The following TCP11 variants were observed in gnomAD, a reference collection of about 807,000 sequenced individuals.
TCP11 encodes T-complex protein 11 homolog.
TCP11 carries 34 observed loss-of-function variants against 45.0 expected under a neutral mutation model. The ratio of observed to expected loss-of-function variants is 0.76; its 90% CI spans 0.57 to 1.01. The LOEUF (loss-of-function observed/expected upper bound fraction) is 1.01. TCP11 is among the 50% of genes least tolerant of loss of function. The pLI is 0.00. For missense variants in TCP11, 523 were observed against 598.1 expected, an observed-to-expected ratio of 0.87 and a Z score of 1.31; for synonymous variants, 227 against 227.0, an observed-to-expected ratio of 1.00 and a Z score of 0.00.
chr6:35,137,837 T>C (rs971327539), intron 2 of TCP11: 1 of 455,066 alleles, frequency 2.2e-6, no homozygotes, highest in Non-Finnish European at 4.4e-6. Context: ...TGGCCACGAG[T>C]TGATCATTGT....
chr6:35,124,558 G>C (rs1779618600), intron 4 of TCP11, among the ~76,000 whole-genome samples: 1 of 152,172 alleles, frequency 6.6e-6, no homozygotes, highest in Non-Finnish European at 1.5e-5. Flanking sequence ...AACTTACGTA[G>C]CTACAAGACT....
At chr6:35,129,830 G>T (rs977716272) in intron 3 of TCP11, among the ~76,000 whole-genome samples, 1 of 152,078 alleles carries the variant, frequency 6.6e-6, no homozygotes, top group South Asian at 2.1e-4. Flanking sequence ...GTTGGAATGC[G>T]ATGGCACAAT....
In TCP11 at chr6:35,119,388, A is replaced by G. The variant is rs753136829; in HGVS notation, c.1119T>C (p.Pro373=). 2 of 1,613,924 alleles carry G rather than the reference A, an allele frequency of 1.2e-6. No individual in the cohort carries two copies. Among genetic ancestry groups the G allele is most frequent in the African/African-American group, 1.3e-5 (1 of 75,060 alleles). Residue 373 remains proline (P), a synonymous_variant, in exon 9 of 10, where the codon CCT becomes CCC. Transcript: ENST00000311875. ...KSLLEDFHSR[P]EEAILTVSEQ... ...CACTCACAGTCAGTATAGCTTCCTC[A>G]GGCCTAGACCATGAAAGAAAGTAAG...
In TCP11 at chr6:35,124,998, AT is replaced by A. The variant is rs760823828; in HGVS notation, c.358-2662del. Reference sequence around the variant, plus strand: ...GGAGTTTGAGACCAGCCTGAGCAAAATGGTGAAACCCCATCTCTACTAAAAA... The same window carrying A: ...GGAGTTTGAGACCAGCCTGAGCAAAAGGTGAAACCCCATCTCTACTAAAAA... On this transcript the variant is annotated intron_variant, in intron 4 of 9. Coordinates refer to ENST00000311875, the MANE Select transcript of TCP11 (RefSeq NM_001370687.1). Among the ~76,000 whole-genome samples the A allele has an allele frequency of 3.6e-4, 54 of 151,870 alleles. 1 individual carries two copies. The highest frequency in any genetic ancestry group is 2.2e-3 in the Admixed American group (34 of 15,262).
rs199633927 is a variant in TCP11 at position 35,119,213 on chromosome 6, C to G, written c.1279+15G>C. 164 of 1,613,274 alleles carry G rather than the reference C, an allele frequency of 1.0e-4. No homozygotes were observed. The highest frequency in any genetic ancestry group is 1.3e-4 in the Non-Finnish European group (157 of 1,179,514). On this transcript the variant is annotated intron_variant, in intron 9 of 9. Transcript: ENST00000311875. Reference sequence around the variant, plus strand: ...TCTTCCCTCACCATTCTTACTACCCCACAAGCATACTCACCAATAACACTG... The same window carrying G: ...TCTTCCCTCACCATTCTTACTACCCGACAAGCATACTCACCAATAACACTG...
intron 3 of TCP11, among the ~76,000 whole-genome samples, chr6:35,131,239 C>T (rs1348157499): frequency 1.3e-5 from 2 of 152,080 alleles, no homozygotes; most frequent in East Asian, 1.9e-4. Flanking sequence ...TGCCACTACA[C>T]TCCAGCCTGG....
intron 1 of TCP11, 142 bp from the exon 2 acceptor site, chr6:35,141,026 G>T: frequency 8.0e-7 from 1 of 1,247,186 alleles, no homozygotes; most frequent in Non-Finnish European, 1.0e-6. Flanking sequence ...GCAAAGGAGC[G>T]TGGAGGAGCG....
At chr6:35,129,832 T>TG (rs1462070103) in intron 3 of TCP11, among the ~76,000 whole-genome samples, 1 of 152,218 alleles carries the variant, frequency 6.6e-6, no homozygotes, top group Non-Finnish European at 1.5e-5. Context: ...TGGAATGCGA[T>TG]GGCACAATCA....
intron 4 of TCP11, among the ~76,000 whole-genome samples, chr6:35,126,799 G>C (rs34250961): frequency 0.18 from 27,225 of 151,486 alleles, 3,048 homozygotes; most frequent in African/African-American, 0.29. Context: ...GCTGGGAATA[G>C]AGGCATGTAC....
chr6:35,119,488 G>T, intron 8 of TCP11, 97 bp from the exon 9 acceptor site: 1 of 1,459,102 alleles, frequency 6.9e-7, no homozygotes, highest in East Asian at 2.3e-5. Context: ...GCCCACTTGA[G>T]GGAGAATGTC....
chr6:35,138,014 T>C (rs944012684), intron 2 of TCP11, among the ~76,000 whole-genome samples: 2 of 152,208 alleles, frequency 1.3e-5, no homozygotes, highest in East Asian at 1.9e-4. Context: ...CATGATGAAA[T>C]ATTTAGAGGT....
In TCP11 at chr6:35,136,289, T is replaced by C. The variant is rs1202090859; in HGVS notation, c.125-71A>G. The C allele has an allele frequency of 1.1e-5, 13 of 1,172,036 alleles. No homozygotes were observed. In the Admixed American group the frequency reaches 1.7e-4, roughly 15 times the overall value. The allele number at this position is 1,172,036 out of a possible 1,614,324, so 72.6% of individuals were successfully genotyped here. A position where few individuals can be genotyped will look rare whatever the true frequency, so the allele number is the denominator to read the frequency against. ...TTATTCAGAGATTCACTCAATCTAG[T>C]AGGCCCCAAATTTAGATTAATCAAA... On this transcript the variant is annotated intron_variant, in intron 2 of 9. Coordinates refer to ENST00000311875, the MANE Select transcript of TCP11 (RefSeq NM_001370687.1).
chr6:35,126,521 G>C (rs576692573), intron 4 of TCP11, among the ~76,000 whole-genome samples: 15 of 152,132 alleles, frequency 9.9e-5, no homozygotes, highest in African/African-American at 3.6e-4. Context: ...CTTTCACTGA[G>C]AATCAGCTGG....
intron 2 of TCP11, among the ~76,000 whole-genome samples, chr6:35,138,397 A>G (rs1275087830): frequency 6.6e-6 from 1 of 152,244 alleles, no homozygotes; most frequent in East Asian, 1.9e-4. Flanking sequence ...CCAAAAACAA[A>G]AAAACAACAC....
chr6:35,129,214 C>G, intron 3 of TCP11, 32 bp from the exon 4 acceptor site: 1 of 1,596,136 alleles, frequency 6.3e-7, no homozygotes, highest in East Asian at 2.2e-5. Flanking sequence ...AGATTACTCT[C>G]TCAACCCAAA....
intron 3 of TCP11, 57 bp downstream of exon 3, chr6:35,136,050 C>T: frequency 1.5e-6 from 2 of 1,318,578 alleles, no homozygotes; most frequent in South Asian, 1.3e-5. Context: ...CTGAAGCCAT[C>T]AGTGCTAAGT....
chr6:35,139,975 A>C, intron 2 of TCP11: 1 of 1,604,276 alleles, frequency 6.2e-7, no homozygotes, highest in Non-Finnish European at 8.5e-7. Context: ...TAGACACCTC[A>C]AAAACTTAAA....
intron 4 of TCP11, among the ~76,000 whole-genome samples, chr6:35,122,717 AATAGGC>A (rs747850572): frequency 7.9e-5 from 12 of 152,288 alleles, no homozygotes; most frequent in South Asian, 2.1e-4. Context: ...GCAAGGATGA[AATAGGC>A]ATAGGAGCTG....
intron 4 of TCP11, among the ~76,000 whole-genome samples, chr6:35,122,656 G>T (rs538974249): frequency 3.1e-4 from 47 of 152,082 alleles, no homozygotes; most frequent in Non-Finnish European, 6.3e-4. Flanking sequence ...TGGTGATGAC[G>T]TCTCTTAACT....
Sources: gnomAD v4.1 joint callset for allele counts (sites outside exome capture counted in the v4.1 genomes callset) on GRCh38, gnomAD v4.1.1 for gene constraint, MANE v1.5 for transcripts, NCBI Gene and HGNC (gene_info 2026-07-23, HGNC 2026-07-21) for gene names.